The following PCDHA7 variants were observed in gnomAD, a reference collection of about 807,000 sequenced individuals.
The protein encoded by PCDHA7 is protocadherin alpha-7.
Under a neutral mutation model 57.2 loss-of-function variants are expected in PCDHA7, and 37 were observed. The observed-to-expected ratio is 0.65, with a 90% CI of 0.50 to 0.85. PCDHA7 has a LOEUF of 0.85. Among genes scored for constraint, PCDHA7 ranks in the 40% least tolerant of loss-of-function variants. The pLI, the probability that PCDHA7 is intolerant of heterozygous loss-of-function variation, is 0.00. For synonymous variants in PCDHA7, 553 were observed against 558.8 expected (o/e 0.99, Z 0.15); for missense variants, 1,188 against 1,241.8 (o/e 0.96, Z 0.65).
chr5:140,861,571 A>C, intron 1 of PCDHA7: 1 of 372,012 alleles, frequency 2.7e-6, no homozygotes, highest in Non-Finnish European at 5.6e-6. Context: ...AAGCTGCTAC[A>C]GGTTTTCCAT....
intron 1 of PCDHA7, among the ~76,000 whole-genome samples, chr5:140,840,919 A>C (rs2150310100): frequency 6.6e-5 from 10 of 152,182 alleles, no homozygotes; most frequent in African/African-American, 2.2e-4. Context: ...TAAATTTATT[A>C]TTAATTGATA....
Position 140,857,453 on chromosome 5 carries a change from C to A in PCDHA7, c.2355+20715C>A, listed in dbSNP as rs545328956. On this transcript the variant is annotated intron_variant, in intron 1 of 3. Coordinates refer to ENST00000525929, the MANE Select transcript of PCDHA7 (RefSeq NM_018910.3). ...GGTGTTCGTGAAGGAGAACAACCCG[C>A]CAGGCTGCCACATCTTCACGGTGTC... 1 of 1,598,604 alleles carries A rather than the reference C, an allele frequency of 6.3e-7. No individual in the cohort carries two copies. The highest frequency in any genetic ancestry group is 1.1e-5 in the South Asian group (1 of 90,558).
chr5:140,842,502 C>T, intron 1 of PCDHA7: 1 of 1,613,826 alleles, frequency 6.2e-7, no homozygotes, highest in South Asian at 1.1e-5. Context: ...CCCCATGTCC[C>T]CTTCAAGCTG....
Position 140,835,237 on chromosome 5 carries a change from T to G in PCDHA7, c.854T>G (p.Val285Gly), listed in dbSNP as rs1271413656. 1.3e-6 allele frequency: 2 copies of G among 1,599,540 alleles called. No individual in the cohort carries two copies. The highest frequency in any genetic ancestry group is 1.7e-6 in the Non-Finnish European group (2 of 1,173,272). ...GDIIYSFSSD[V>G]SPDIKSKFHM... Reference sequence around the variant, plus strand: ...ATTATTTACTCCTTCTCCAGTGATGTTTCTCCAGATATAAAATCCAAGTTC... The same window carrying G: ...ATTATTTACTCCTTCTCCAGTGATGGTTCTCCAGATATAAAATCCAAGTTC... The change falls in exon 1 of 4, where the codon GTT (valine) becomes GGT (glycine). Residue 285 changes from valine to glycine, a missense_variant. Around this residue, in one of 3 missense-constraint regions of PCDHA7, gnomAD observed 102 missense variants for 267.4 expected, o/e 0.38. Coordinates refer to ENST00000525929, the MANE Select transcript of PCDHA7 (RefSeq NM_018910.3).
chr5:140,842,657 G>A lies in PCDHA7; in HGVS notation c.2355+5919G>A, dbSNP rs2150341261. 6 of 1,595,442 alleles carry A rather than the reference G, an allele frequency of 3.8e-6. No individual in the cohort carries two copies. In the Admixed American group the frequency reaches 5.1e-5, roughly 13 times the overall value. ...CACCGCCAGCTTGTCTGTGGAGGTG[G>A]CCGACGTGAACGACAATGCTCCGGC... On this transcript the variant is annotated intron_variant, in intron 1 of 3. Transcript: ENST00000525929.
intron 1 of PCDHA7, among the ~76,000 whole-genome samples, chr5:140,917,068 GAGTTTAATGTAAAGTTCCCC>G (rs1192645655): frequency 1.3e-5 from 2 of 152,066 alleles, no homozygotes; most frequent in Non-Finnish European, 2.9e-5. Context: ...CGACAGCACC[GAGTTTAATGTAAAGTTCCCC>G]AGTTGCTGTG....
chr5:141,009,908 A>T lies in PCDHA7; in HGVS notation c.2785A>T (p.Asn929Tyr). ...NKTQEKKEKGNSTTDNSDQ is the reference protein window; with the variant it reads ...NKTQEKKEKGYSTTDNSDQ ...GACCCAGGAGAAAAAAGAGAAAGGG[A>T]ACAGCACGACTGACAACAGTGACCA... Residue 929 changes from asparagine to tyrosine, a missense_variant, in exon 4 of 4, where the codon AAC (asparagine) becomes TAC (tyrosine). Physicochemically the swap from Asn to Tyr is moderately radical, Grantham distance 143 (BLOSUM62 -2). This residue lies in a region of PCDHA7 where 892 missense variants were observed against 788.5 expected (regional missense o/e 1.13). Transcript: ENST00000525929. 1 of 1,612,966 alleles carries T rather than the reference A, an allele frequency of 6.2e-7. No individual in the cohort carries two copies. The highest frequency in any genetic ancestry group is 1.1e-5 in the South Asian group (1 of 90,886).
chr5:140,850,343 C>T, intron 1 of PCDHA7: 1 of 1,597,790 alleles, frequency 6.3e-7, no homozygotes. Flanking sequence ...CAGAAACGGC[C>T]AGCGCGAGCA....
rs139331486 is a variant in PCDHA7, at chr5:140,836,143, C to T, written c.1760C>T (p.Ala587Val). The change falls in exon 1 of 4, where the codon GCG becomes GTG. Residue 587 changes from alanine to valine, a missense_variant. Coordinates refer to ENST00000525929, the MANE Select transcript of PCDHA7 (RefSeq NM_018910.3). ...GAGCTTGTGCCGCGGTCTGTGGGCG[C>T]GGGCCATGTGGTGGCGAAGGTACGT... ...VRELVPRSVG[A>V]GHVVAKVRAV... 75 of 1,613,760 alleles carry T rather than the reference C, an allele frequency of 4.6e-5. 1 individual carries two copies. In the African/African-American group the frequency reaches 7.6e-4, roughly 16 times the overall value.
chr5:140,843,700 T>G lies in PCDHA7; in HGVS notation c.2355+6962T>G. On this transcript the variant is annotated intron_variant, in intron 1 of 3. Coordinates refer to ENST00000525929, the MANE Select transcript of PCDHA7 (RefSeq NM_018910.3). ...TAGGCGAAGAGCAAGATTTAAATGT[T>G]GATCATGGCCTCAAAGTAAGTCCAT... The G allele has an allele frequency of 3.2e-6, 5 of 1,581,782 alleles. 1 individual carries two copies. Among genetic ancestry groups the G allele is most frequent in the Non-Finnish European group, 4.3e-6 (5 of 1,152,788 alleles).
chr5:140,870,028 T>G, intron 1 of PCDHA7: 1 of 1,613,550 alleles, frequency 6.2e-7, no homozygotes, highest in Non-Finnish European at 8.5e-7. Context: ...AACTTTAGAT[T>G]ATGAAGAAAA....
intron 3 of PCDHA7, among the ~76,000 whole-genome samples, chr5:140,993,629 T>G (rs1359195159): frequency 5.9e-5 from 9 of 152,160 alleles, no homozygotes; most frequent in Non-Finnish European, 1.0e-4. Flanking sequence ...CTATATATAG[T>G]CGTGTACCAA....
chr5:140,851,763 C>T (rs1554145528), intron 1 of PCDHA7: 1 of 969,364 alleles, frequency 1.0e-6, no homozygotes, highest in Admixed American at 6.3e-5. Context: ...TAAAACATTA[C>T]CCTTATGAAT....
chr5:140,875,793 G>A (rs2055816565), intron 1 of PCDHA7: 1 of 1,614,100 alleles, frequency 6.2e-7, no homozygotes, highest in Non-Finnish European at 8.5e-7. Flanking sequence ...TCCACCTGGA[G>A]GTGATCGTGG....
intron 1 of PCDHA7, chr5:140,869,015 A>G (rs2050795044): frequency 6.6e-7 from 1 of 1,524,382 alleles, no homozygotes; most frequent in Non-Finnish European, 8.8e-7. Flanking sequence ...GAAACTTCTT[A>G]AGAATTCAAC....
At chr5:140,939,672 A>T (rs573857311) in intron 1 of PCDHA7, among the ~76,000 whole-genome samples, 1 of 152,314 alleles carries the variant, frequency 6.6e-6, no homozygotes, top group Non-Finnish European at 1.5e-5. Context: ...ACCAACTTGT[A>T]TGTATGTGTG....
intron 1 of PCDHA7, chr5:140,860,608 A>G (rs1266938252): frequency 6.6e-6 from 1 of 152,266 alleles, no homozygotes; most frequent in African/African-American, 2.4e-5. Flanking sequence ...GCTCACAAAG[A>G]GAAACATAAA....
At chr5:140,877,143 C>G (rs782522652) in intron 1 of PCDHA7, 2 of 1,613,668 alleles carry the variant, frequency 1.2e-6, no homozygotes, top group African/African-American at 2.7e-5. Context: ...TCGTGCTGGA[C>G]GAGAACGACA....
intron 3 of PCDHA7, among the ~76,000 whole-genome samples, chr5:140,996,539 A>G (rs1023035245): frequency 2.6e-5 from 4 of 152,170 alleles, no homozygotes; most frequent in South Asian, 4.1e-4. Flanking sequence ...GTGTTTTGAT[A>G]TTATGCTGTC....
Sources: allele counts gnomAD v4.1 joint callset (sites outside exome capture counted in the v4.1 genomes callset), GRCh38; gene constraint gnomAD v4.1.1; regional missense constraint gnomAD v4.1.1; transcripts MANE v1.5; gene names NCBI Gene and HGNC (gene_info 2026-07-23, HGNC 2026-07-21).